The following DRC11 variants were observed in gnomAD, a reference collection of about 807,000 sequenced individuals.
DRC11 encodes IQ and AAA domain-containing protein 1.
chr2:236,377,238 G>T, the DRC11 span: 1 of 1,131,300 alleles, frequency 8.8e-7, no homozygotes, highest in Non-Finnish European at 1.3e-6. This position sits in a 1 kb window ranked among gnomAD's most constrained non-coding sequence, Gnocchi z 4.9. Flanking sequence ...GAAATCGGCG[G>T]TATTTCTGTT....
At chr2:236,460,614 C>T in the DRC11 span, among the ~76,000 whole-genome samples, 1 of 152,150 alleles carries the variant, frequency 6.6e-6, no homozygotes, top group African/African-American at 2.4e-5. The surrounding 1 kb of genome is among the most constrained non-coding windows in gnomAD (Gnocchi z 4.0). Flanking sequence ...AAAAATAACA[C>T]TTATTTTTTC....
At chr2:236,394,252 C>G in the DRC11 span, among the ~76,000 whole-genome samples, 2 of 152,196 alleles carry the variant, frequency 1.3e-5, no homozygotes, top group African/African-American at 4.8e-5. This position sits in a 1 kb window ranked among gnomAD's most constrained non-coding sequence, Gnocchi z 7.0. Context: ...GGGCCAGTGC[C>G]TGCGTCTTTA....
chr2:236,494,009 T>A, the DRC11 span: 2 of 805,252 alleles, frequency 2.5e-6, no homozygotes, highest in Non-Finnish European at 3.5e-6. The surrounding 1 kb of genome is among the most constrained non-coding windows in gnomAD (Gnocchi z 4.2). Context: ...CATTTTCATT[T>A]AAGAAAAAAA....
At chr2:236,427,401 C>T in the DRC11 span, among the ~76,000 whole-genome samples, 1 of 152,110 alleles carries the variant, frequency 6.6e-6, no homozygotes, top group African/African-American at 2.4e-5. This position sits in a 1 kb window ranked among gnomAD's most constrained non-coding sequence, Gnocchi z 5.9. Context: ...GCCATTTTAT[C>T]CTGGGCCTTT....
the DRC11 span, among the ~76,000 whole-genome samples, chr2:236,449,104 C>G: frequency 4.3e-4 from 65 of 152,254 alleles, no homozygotes; most frequent in African/African-American, 1.4e-3. This position sits in a 1 kb window ranked among gnomAD's most constrained non-coding sequence, Gnocchi z 5.1. Flanking sequence ...AGATGATCCG[C>G]CTGCCTCGGC....
chr2:236,417,240 T>G, the DRC11 span, among the ~76,000 whole-genome samples: 3 of 152,170 alleles, frequency 2.0e-5, no homozygotes, highest in Non-Finnish European at 4.4e-5. Context: ...TGTTTACCAT[T>G]ACCCTCTCTC....
chr2:236,334,381 G>A, the DRC11 span, among the ~76,000 whole-genome samples: 2 of 152,158 alleles, frequency 1.3e-5, no homozygotes, highest in Non-Finnish European at 2.9e-5. The surrounding 1 kb of genome is among the most constrained non-coding windows in gnomAD (Gnocchi z 7.8). Context: ...GAGGCTGTGG[G>A]GTCTCTGGCC....
chr2:236,497,209 T>C, the DRC11 span: 1 of 1,612,950 alleles, frequency 6.2e-7, no homozygotes, highest in East Asian at 2.2e-5. This position sits in a 1 kb window ranked among gnomAD's most constrained non-coding sequence, Gnocchi z 5.1. Flanking sequence ...ATAATGGAAC[T>C]CCGTGAGTTC....
the DRC11 span, chr2:236,338,079 C>T: frequency 1.9e-5 from 16 of 839,322 alleles, no homozygotes; most frequent in Non-Finnish European, 2.7e-5. Flanking sequence ...GCACACACCC[C>T]ACCGGGTGCA....
the DRC11 span, among the ~76,000 whole-genome samples, chr2:236,307,932 GGTGTGCTTGCAGTGACACAAGCGTCCTC>G: frequency 0.019 from 2,835 of 150,278 alleles, 463 homozygotes; most frequent in African/African-American, 0.059. The surrounding 1 kb of genome is among the most constrained non-coding windows in gnomAD (Gnocchi z 7.0). Flanking sequence ...CAAGCATCGT[GGTGTGCTTGCAGTGACACAAGCGTCCTC>G]GTGTGCTTGC....
At chr2:236,447,306 G>A in the DRC11 span, among the ~76,000 whole-genome samples, 1 of 151,668 alleles carries the variant, frequency 6.6e-6, no homozygotes, top group Non-Finnish European at 1.5e-5. The surrounding 1 kb of genome is among the most constrained non-coding windows in gnomAD (Gnocchi z 4.6). Flanking sequence ...TGGAGTAGGA[G>A]GGCCCCATCC....
chr2:236,418,733 A>G, the DRC11 span, among the ~76,000 whole-genome samples: 18 of 152,378 alleles, frequency 1.2e-4, no homozygotes, highest in Non-Finnish European at 2.2e-4. Context: ...GCGCTAGATG[A>G]TAAATTTGAA....
the DRC11 span, among the ~76,000 whole-genome samples, chr2:236,353,496 C>T: frequency 6.6e-6 from 1 of 152,096 alleles, no homozygotes; most frequent in African/African-American, 2.4e-5. The surrounding 1 kb of genome is among the most constrained non-coding windows in gnomAD (Gnocchi z 5.0). Flanking sequence ...TTTCGGCATG[C>T]ATGGGTTATG....
the DRC11 span, among the ~76,000 whole-genome samples, chr2:236,393,750 C>T: frequency 1.6e-3 from 246 of 152,282 alleles, 1 homozygote; most frequent in African/African-American, 4.9e-3. This position sits in a 1 kb window ranked among gnomAD's most constrained non-coding sequence, Gnocchi z 4.7. Flanking sequence ...GAGGCAAACT[C>T]AGAACTGGTG....
the DRC11 span, among the ~76,000 whole-genome samples, chr2:236,491,042 TAC>T: frequency 1.4e-5 from 2 of 138,034 alleles, no homozygotes; most frequent in Non-Finnish European, 1.5e-5. Flanking sequence ...TATATATATA[TAC>T]AGTATATATA....
chr2:236,398,730 G>C, the DRC11 span, among the ~76,000 whole-genome samples: 2 of 152,196 alleles, frequency 1.3e-5, no homozygotes, highest in Non-Finnish European at 2.9e-5. This position sits in a 1 kb window ranked among gnomAD's most constrained non-coding sequence, Gnocchi z 6.2. Context: ...ATGCTCATCA[G>C]GCTGAACAAC....
At chr2:236,474,131 C>T in the DRC11 span, among the ~76,000 whole-genome samples, 2 of 152,056 alleles carry the variant, frequency 1.3e-5, no homozygotes, top group African/African-American at 4.8e-5. Flanking sequence ...CAGAAGACAA[C>T]ATTCTTTTAA....
the DRC11 span, among the ~76,000 whole-genome samples, chr2:236,484,823 C>T: frequency 2.0e-5 from 3 of 152,160 alleles, no homozygotes; most frequent in African/African-American, 7.2e-5. Context: ...TTTAAGTTTC[C>T]TTATGGGCAC....
At chr2:236,484,564 A>G in the DRC11 span, among the ~76,000 whole-genome samples, 1 of 151,958 alleles carries the variant, frequency 6.6e-6, no homozygotes, top group African/African-American at 2.4e-5. Flanking sequence ...ACTAATATGA[A>G]TATCTGTATA....
Sources: allele counts gnomAD v4.1 joint callset (sites outside exome capture counted in the v4.1 genomes callset), GRCh38; gene constraint gnomAD v4.1.1; non-coding constraint Gnocchi (gnomAD v3.1); transcripts MANE v1.5; gene names NCBI Gene and HGNC (gene_info 2026-07-23, HGNC 2026-07-21).